The following RYR2 variants were observed in gnomAD, a reference collection of about 807,000 sequenced individuals.
RYR2 encodes the protein cardiac muscle ryanodine receptor-calcium release channel.
Under a neutral mutation model 601.1 loss-of-function variants are expected in RYR2, and 227 were observed. That is an observed-to-expected ratio of 0.38 (90% CI 0.34 to 0.42). The LOEUF (loss-of-function observed/expected upper bound fraction) is 0.42. RYR2 is among the 10% of genes least tolerant of loss of function. The pLI, the probability that RYR2 is intolerant of heterozygous loss-of-function variation, is 1.00. For missense variants in RYR2, 4,646 were observed against 6,156.5 expected (o/e 0.75, Z 8.21); for synonymous variants, 2,223 against 2,175.1 (o/e 1.02, Z -0.61).
chr1:237,651,345 T>C lies in RYR2; in HGVS notation c.7734-66T>C, dbSNP rs16835582. The C allele has an allele frequency of 7.2e-3, 7,780 of 1,077,554 alleles. 387 individuals are homozygous for C. The African/African-American group carries it at 0.11, about 15-fold the overall frequency. 66.7% of individuals were successfully genotyped at this position (1,077,554 alleles called of 1,614,324 possible). On this transcript the variant is annotated intron_variant, in intron 50 of 104. Coordinates refer to ENST00000366574, the MANE Select transcript of RYR2 (RefSeq NM_001035.3). Reference sequence around the variant, plus strand: ...GGTCCTTGGCTGATATAATTTATTCTAATGAATGATCTACTTAGTTTAGAA... The same window carrying C: ...GGTCCTTGGCTGATATAATTTATTCCAATGAATGATCTACTTAGTTTAGAA...
At chr1:237,093,580 C>T (rs965027943) in intron 1 of RYR2, among the ~76,000 whole-genome samples, 1 of 152,048 alleles carries the variant, frequency 6.6e-6, no homozygotes, top group Non-Finnish European at 1.5e-5. Context: ...AGGACTTAGA[C>T]CTTTGTTTCT....
intron 11 of RYR2, among the ~76,000 whole-genome samples, chr1:237,422,173 G>A (rs1242411144): frequency 6.6e-6 from 1 of 152,166 alleles, no homozygotes; most frequent in Non-Finnish European, 1.5e-5. Flanking sequence ...ACAAGGTAAT[G>A]TGCAAAGCAA....
At chr1:237,448,412 G>C (rs1433411862) in intron 14 of RYR2, among the ~76,000 whole-genome samples, 2 of 152,098 alleles carry the variant, frequency 1.3e-5, no homozygotes, top group Admixed American at 6.5e-5. Context: ...TTGTTTTATG[G>C]CTTAGAATAA....
At chr1:237,114,356 A>G (rs1231214282) in intron 1 of RYR2, among the ~76,000 whole-genome samples, 1 of 152,232 alleles carries the variant, frequency 6.6e-6, no homozygotes, top group East Asian at 1.9e-4. Context: ...AAAATTTTGC[A>G]TAACATTTTT....
intron 100 of RYR2, among the ~76,000 whole-genome samples, chr1:237,813,325 TA>T (rs1661449098): frequency 6.6e-6 from 1 of 152,222 alleles, no homozygotes; most frequent in Non-Finnish European, 1.5e-5. Flanking sequence ...TTACTTAGGT[TA>T]TGTATTCCTA....
chr1:237,351,241 G>A (rs1010461687), intron 3 of RYR2, among the ~76,000 whole-genome samples: 1 of 151,996 alleles, frequency 6.6e-6, no homozygotes, highest in Non-Finnish European at 1.5e-5. Flanking sequence ...AAGTTATTCG[G>A]CCCTAAATAC....
At chr1:237,354,313 C>A (rs1231675659) in intron 3 of RYR2, among the ~76,000 whole-genome samples, 1 of 151,770 alleles carries the variant, frequency 6.6e-6, no homozygotes, top group Non-Finnish European at 1.5e-5. Flanking sequence ...TGAAAAAATC[C>A]CATAACTTTA....
chr1:237,095,361 C>G (rs929025169), intron 1 of RYR2, among the ~76,000 whole-genome samples: 8 of 152,130 alleles, frequency 5.3e-5, no homozygotes, highest in African/African-American at 1.9e-4. Context: ...ATGGCAGGGC[C>G]GTGCAGCACT....
In RYR2 at chr1:237,798,200, A is replaced by G. The variant is rs748488043; in HGVS notation, c.14090+30A>G. ...GTGTTACTTCGGCTCTATCCTACAG[A>G]CTTAGATTGAAAGGGGAAAACATTA... On this transcript the variant is annotated intron_variant, in intron 97 of 104. Transcript: ENST00000366574. 18 of 1,581,640 alleles carry G rather than the reference A, an allele frequency of 1.1e-5. No individual in the cohort carries two copies. The South Asian group carries it at 1.4e-4, about 12-fold the overall frequency.
chr1:237,246,070 A>G (rs268781), intron 1 of RYR2, among the ~76,000 whole-genome samples: 41,663 of 148,160 alleles, frequency 0.28, 6,622 homozygotes, highest in Middle Eastern at 0.38. Flanking sequence ...GTGAGCCACC[A>G]CACCTGGCTG....
At chr1:237,602,506 C>G (rs1676619389) in intron 35 of RYR2, among the ~76,000 whole-genome samples, 1 of 152,164 alleles carries the variant, frequency 6.6e-6, no homozygotes, top group Admixed American at 6.5e-5. Flanking sequence ...TGGGTTGGAT[C>G]AGCTAAAGCT....
chr1:237,582,568 C>A (rs1055493299), intron 29 of RYR2, among the ~76,000 whole-genome samples: 3 of 152,054 alleles, frequency 2.0e-5, no homozygotes, highest in Non-Finnish European at 4.4e-5. Flanking sequence ...AATTTTGCAA[C>A]CCTTGTCCCC....
intron 2 of RYR2, among the ~76,000 whole-genome samples, chr1:237,291,581 A>C (rs1290696825): frequency 3.9e-5 from 6 of 152,210 alleles, no homozygotes; most frequent in Non-Finnish European, 7.3e-5. Flanking sequence ...GCATCCAGAC[A>C]ATGGGATATT....
intron 6 of RYR2, among the ~76,000 whole-genome samples, chr1:237,371,181 A>G (rs1027968512): frequency 4.0e-5 from 6 of 151,618 alleles, no homozygotes; most frequent in Admixed American, 3.9e-4. Context: ...TTTTTGAGAT[A>G]GGGTCTTGCT....
intron 63 of RYR2, among the ~76,000 whole-genome samples, chr1:237,689,700 G>A (rs765592640): frequency 5.3e-5 from 8 of 151,804 alleles, no homozygotes; most frequent in Non-Finnish European, 7.4e-5. Context: ...ATCTCAAAGC[G>A]CATTTTTGCA....
chr1:237,426,410 A>G (rs925593073), intron 12 of RYR2, among the ~76,000 whole-genome samples: 2 of 152,184 alleles, frequency 1.3e-5, no homozygotes, highest in East Asian at 3.9e-4. Context: ...GTAACTGGAA[A>G]GCACAATTAA....
At chr1:237,382,532 C>G (rs1378421771) in intron 8 of RYR2, among the ~76,000 whole-genome samples, 1 of 129,240 alleles carries the variant, frequency 7.7e-6, no homozygotes, top group Non-Finnish European at 1.6e-5. Context: ...CCCCCTCCCC[C>G]CACCCCACAA....
At chr1:237,048,902 C>T (rs1242904865) in intron 1 of RYR2, among the ~76,000 whole-genome samples, 1 of 152,116 alleles carries the variant, frequency 6.6e-6, no homozygotes, top group Non-Finnish European at 1.5e-5. Context: ...CACTTGAATG[C>T]GTCCAAATGC....
At chr1:237,677,517 T>C (rs1685507664) in intron 60 of RYR2, among the ~76,000 whole-genome samples, 1 of 152,204 alleles carries the variant, frequency 6.6e-6, no homozygotes, top group South Asian at 2.1e-4. Flanking sequence ...GCCAACCTAA[T>C]ATTAAAATTG....
Sources: gnomAD v4.1 joint callset for allele counts (sites outside exome capture counted in the v4.1 genomes callset) on GRCh38, gnomAD v4.1.1 for gene constraint, MANE v1.5 for transcripts, NCBI Gene and HGNC (gene_info 2026-07-23, HGNC 2026-07-21) for gene names.